Variants in TBXA2R observed in about 807,000 individuals in gnomAD.
TBXA2R encodes the protein prostanoid TP receptor.
TBXA2R carries 15 observed loss-of-function variants against 15.6 expected under a neutral mutation model. That is an observed-to-expected ratio of 0.96 (90% CI 0.64 to 1.48). The LOEUF (loss-of-function observed/expected upper bound fraction) is 1.48. Ranked by LOEUF, TBXA2R falls within the 40% of genes most tolerant of loss-of-function variation. The probability of loss-of-function intolerance (pLI) is 0.00; values close to 1 mark genes in which losing one functional copy is unlikely to be tolerated. For missense variants in TBXA2R, 506 were observed against 491.4 expected (o/e 1.03, Z -0.28); for synonymous variants, 280 against 241.2 (o/e 1.16, Z -1.49).
At chr19:3,605,113 G>A (rs988048051) in intron 1 of TBXA2R, among the ~76,000 whole-genome samples, 1 of 152,208 alleles carries the variant, frequency 6.6e-6, no homozygotes. Flanking sequence ...GCCAGACTCC[G>A]GCCAGCCTTG....
At chr19:3,605,032 G>A (rs1268970635) in intron 1 of TBXA2R, among the ~76,000 whole-genome samples, 2 of 152,314 alleles carry the variant, frequency 1.3e-5, no homozygotes, top group Admixed American at 1.3e-4. Flanking sequence ...CCATTTCCGA[G>A]AACATTTCCT....
chr19:3,602,666 A>C (rs879441069), intron 1 of TBXA2R, among the ~76,000 whole-genome samples: 2 of 145,328 alleles, frequency 1.4e-5, no homozygotes, highest in Non-Finnish European at 3.0e-5. Context: ...CTTGAACCCG[A>C]CAGGGGAAGT....
intron 1 of TBXA2R, among the ~76,000 whole-genome samples, chr19:3,604,937 C>T (rs747791685): frequency 2.0e-5 from 3 of 152,218 alleles, no homozygotes. Flanking sequence ...TAGATCTGAA[C>T]GCTCATGGGC....
rs1222106847 is a variant in TBXA2R, at chr19:3,595,828, T to A, written c.892A>T (p.Thr298Ser). The change falls in exon 3 of 3, where the codon ACC (threonine) becomes TCC (serine). Residue 298 changes from threonine to serine, a missense_variant. Physicochemically the swap from Thr to Ser is moderately conservative, Grantham distance 58 (BLOSUM62 1). Coordinates refer to ENST00000375190, the MANE Select transcript of TBXA2R (RefSeq NM_001060.6). The stretch of plus-strand genomic sequence containing the variant: ...CAGGGGTCCAGGATCTGGTTCCAGG[T>A]GGCCACGCGCAAGTAGATGAGCAGC... Reference protein sequence around the residue: ...KELLIYLRVATWNQILDPWVY... With the variant: ...KELLIYLRVASWNQILDPWVY... The A allele has an allele frequency of 1.9e-6, 3 of 1,611,716 alleles. No homozygotes were observed. The highest frequency in any genetic ancestry group is 2.5e-6 in the Non-Finnish European group (3 of 1,179,274).
chr19:3,595,700 G>C lies in TBXA2R; in HGVS notation c.1020C>G (p.Ser340=). 6.3e-7 allele frequency: 1 copy of C among 1,589,266 alleles called. No individual in the cohort carries two copies. The highest frequency in any genetic ancestry group is 8.6e-7 in the Non-Finnish European group (1 of 1,168,904). The change falls in exon 3 of 3, where the codon TCC becomes TCG. Residue 340 remains serine, a synonymous_variant. Transcript: ENST00000375190. ...LSLQPQLTQR[S]GLQ ...CTCTGTCCACTTCCTACTGCAGCCCGGAGCGCTGCGTGAGCTGGGGCTGGA... is the reference window on the plus strand; with the variant it reads ...CTCTGTCCACTTCCTACTGCAGCCCCGAGCGCTGCGTGAGCTGGGGCTGGA...
rs1203424744 is a variant in TBXA2R at position 3,600,582 on chromosome 19, G to A, written c.53C>T (p.Thr18Ile). The change falls in exon 2 of 3, where the codon ACC (threonine) becomes ATC (isoleucine). Residue 18 changes from threonine to isoleucine, a missense_variant. By Grantham distance (89) the Thr-to-Ile change is moderately conservative. Coordinates refer to ENST00000375190, the MANE Select transcript of TBXA2R (RefSeq NM_001060.6). The stretch of plus-strand genomic sequence containing the variant: ...GGCGATCAGCCGTCTCTCCTCCAGG[G>A]TAATGTTTGTGGGCCGGAAACAGGG... ...LGPCFRPTNITLEERRLIASP... is the reference protein window; with the variant it reads ...LGPCFRPTNIILEERRLIASP... The A allele has an allele frequency of 1.3e-5, 21 of 1,612,504 alleles. No individual in the cohort carries two copies. The highest frequency in any genetic ancestry group is 1.7e-5 in the Non-Finnish European group (20 of 1,179,604).
chr19:3,601,684 T>C (rs2032741367), intron 1 of TBXA2R, among the ~76,000 whole-genome samples: 1 of 152,136 alleles, frequency 6.6e-6, no homozygotes, highest in Non-Finnish European at 1.5e-5. Context: ...CCCAGCACTT[T>C]GGGAGGTTGA....
In TBXA2R at chr19:3,600,487, CCAGCACGCTCAGGGCCAGCAG is replaced by C; in HGVS notation, c.127_147del (p.Leu43_Leu49del). On this transcript the variant is annotated inframe_deletion, in exon 2 of 3. Transcript: ENST00000375190. ...TGCGAACCCCCCTGCCGCGCGCCCG[CCAGCACGCTCAGGGCCAGCAG>C]GTTGGAGGCCAGGCCCACCACGCAG... is the stretch of plus-strand genomic sequence containing the variant. 2.5e-6 allele frequency: 4 copies of C among 1,612,928 alleles called. No homozygotes were observed. The highest frequency in any genetic ancestry group is 2.5e-6 in the Non-Finnish European group (3 of 1,179,664).
chr19:3,600,681 C>G lies in TBXA2R; in HGVS notation c.-47G>C. The G allele has an allele frequency of 1.9e-6, 3 of 1,598,960 alleles. No individual in the cohort carries two copies. The highest frequency in any genetic ancestry group is 2.6e-6 in the Non-Finnish European group (3 of 1,172,170). On this transcript the variant is annotated 5_prime_UTR_variant, in exon 2 of 3. Coordinates refer to ENST00000375190, the MANE Select transcript of TBXA2R (RefSeq NM_001060.6). ...CAGTCACCACCCCATCAGGCCGATG[C>G]TGCAGACAGGGCAGGCTGGCACTGG...
chr19:3,595,858 T>C lies in TBXA2R; in HGVS notation c.862A>G (p.Lys288Glu). 6.2e-7 allele frequency: 1 copy of C among 1,610,824 alleles called. No homozygotes were observed. The highest frequency in any genetic ancestry group is 1.1e-5 in the South Asian group (1 of 90,410). Residue 288 changes from lysine (K) to glutamate (E), a missense_variant, in exon 3 of 3, where the codon AAG becomes GAG. Lys to Glu is a moderately conservative substitution (Grantham distance 56). Transcript: ENST00000375190. ...PAGQLSRTTE[K>E]ELLIYLRVAT... ...ACGCGCAAGTAGATGAGCAGCTCCT[T>C]CTCCGTGGTGCGGGACAGCTGCCCG...
Position 3,599,865 on chromosome 19 carries a change from C to G in TBXA2R, c.770G>C (p.Cys257Ser). 1 of 1,549,180 alleles carries G rather than the reference C, an allele frequency of 6.5e-7. No individual in the cohort carries two copies. The highest frequency in any genetic ancestry group is 1.2e-5 in the South Asian group (1 of 83,988). ...CCTACTCACCAGAAGGGGCAGCCAACACACGCTGGCCACCACCATGATCCC... is the reference window on the plus strand; with the variant it reads ...CCTACTCACCAGAAGGGGCAGCCAAGACACGCTGGCCACCACCATGATCCC... ...LLGIMVVASVCWLPLLVFIAQ... is the reference protein window; with the variant it reads ...LLGIMVVASVSWLPLLVFIAQ... Residue 257 changes from cysteine (C) to serine (S), a missense_variant, in exon 2 of 3, where the codon TGT becomes TCT. Cys to Ser is a moderately radical substitution (Grantham distance 112). Coordinates refer to ENST00000375190, the MANE Select transcript of TBXA2R (RefSeq NM_001060.6).
Position 3,600,657 on chromosome 19 carries a change from A to G in TBXA2R, c.-23T>C, listed in dbSNP as rs771620875. On this transcript the variant is annotated 5_prime_UTR_variant, in exon 2 of 3. Transcript: ENST00000375190. ...CATGGCTCCGGAGCCCTGAGGGATC[A>G]GTCACCACCCCATCAGGCCGATGCT... is the stretch of plus-strand genomic sequence containing the variant. The G allele has an allele frequency of 8.7e-6, 14 of 1,610,186 alleles. No homozygotes were observed. In the East Asian group the frequency reaches 8.9e-5, roughly 10 times the overall value.
chr19:3,599,627 G>A (rs1041070190), intron 2 of TBXA2R, among the ~76,000 whole-genome samples: 1 of 152,136 alleles, frequency 6.6e-6, no homozygotes, highest in African/African-American at 2.4e-5. Flanking sequence ...ACCACGCCTG[G>A]CCTTAATTTT....
intron 2 of TBXA2R, among the ~76,000 whole-genome samples, chr19:3,598,583 C>A (rs1407590207): frequency 6.6e-6 from 1 of 151,850 alleles, no homozygotes; most frequent in Admixed American, 6.6e-5. Flanking sequence ...AACTCCTGAC[C>A]TCAGGTGATC....
Position 3,600,061 on chromosome 19 carries a change from C to G in TBXA2R, c.574G>C (p.Gly192Arg). The change falls in exon 2 of 3, where the codon GGG becomes CGG. Residue 192 changes from glycine to arginine, a missense_variant. By Grantham distance (125) the Gly-to-Arg change is moderately radical. Coordinates refer to ENST00000375190, the MANE Select transcript of TBXA2R (RefSeq NM_001060.6). The stretch of plus-strand genomic sequence containing the variant: ...AAGAGCAGCCCGAAGGCCACGTCCC[C>G]GGACTCGGCGCCCAGCGTCAGGAAG... ...WCFLTLGAESGDVAFGLLFSM... is the reference protein window; with the variant it reads ...WCFLTLGAESRDVAFGLLFSM... 11 of 1,612,560 alleles carry G rather than the reference C, an allele frequency of 6.8e-6. 1 individual carries two copies. The highest frequency in any genetic ancestry group is 2.2e-5 in the East Asian group (1 of 44,866).
In TBXA2R at chr19:3,606,836, C is replaced by A. The variant is rs1381922919; in HGVS notation, c.-390G>T. The A allele has an allele frequency of 6.6e-6, 1 of 152,186 alleles. No individual in the cohort carries two copies. The highest frequency in any genetic ancestry group is 1.5e-5 in the Non-Finnish European group (1 of 68,076). The allele number at this position is 152,186 out of a possible 1,614,324, so 9.4% of individuals were successfully genotyped here. On this transcript the variant is annotated 5_prime_UTR_variant, in exon 1 of 3. Coordinates refer to ENST00000375190, the MANE Select transcript of TBXA2R (RefSeq NM_001060.6). ...TAAGCCGAGCTGGGACGGGTGGGGGCCGCTGGCAGCCCGCGGCTCGCTCTC... is the reference window on the plus strand; with the variant it reads ...TAAGCCGAGCTGGGACGGGTGGGGGACGCTGGCAGCCCGCGGCTCGCTCTC...
At chr19:3,597,746 C>T (rs1055619557) in intron 2 of TBXA2R, among the ~76,000 whole-genome samples, 11 of 152,058 alleles carry the variant, frequency 7.2e-5, no homozygotes, top group East Asian at 3.9e-4. Context: ...TCCTGGCTAA[C>T]ACGATGAAAC....
intron 1 of TBXA2R, among the ~76,000 whole-genome samples, chr19:3,603,740 A>T (rs2032780536): frequency 6.6e-6 from 1 of 152,142 alleles, no homozygotes; most frequent in Non-Finnish European, 1.5e-5. Context: ...GAGCCTGGAA[A>T]CTGGCACTGA....
Position 3,594,831 on chromosome 19 carries a change from C to G in TBXA2R, c.*857G>C. On this transcript the variant is annotated 3_prime_UTR_variant, in exon 3 of 3. Transcript: ENST00000375190. ...GGCAAGAAAAGGGGGTGCCCCCGTT[C>G]ACATTCAATCCTTTCTGGACAGAGC... 6.5e-7 allele frequency: 1 copy of G among 1,534,576 alleles called. No individual in the cohort carries two copies.
Sources: gnomAD v4.1 joint callset for allele counts (sites outside exome capture counted in the v4.1 genomes callset) on GRCh38, gnomAD v4.1.1 for gene constraint, MANE v1.5 for transcripts, NCBI Gene and HGNC (gene_info 2026-07-23, HGNC 2026-07-21) for gene names.